Variants in KIAA0513 observed in about 807,000 individuals in gnomAD.
The protein encoded by KIAA0513 is KIAA0513.
A neutral mutation model predicts 56.5 loss-of-function variants in KIAA0513; 39 were observed. That is an observed-to-expected ratio of 0.69 (90% CI 0.53 to 0.90). The LOEUF (loss-of-function observed/expected upper bound fraction) is 0.90. Among genes scored for constraint, KIAA0513 ranks in the 40% least tolerant of loss-of-function variants. The pLI is 0.00. For missense variants in KIAA0513, 591 were observed against 535.2 expected (o/e 1.10, Z -1.03); for synonymous variants, 268 against 215.6 (o/e 1.24, Z -2.13).
chr16:85,088,003 G>A (rs1025486075), intron 12 of KIAA0513, among the ~76,000 whole-genome samples: 1 of 152,248 alleles, frequency 6.6e-6, no homozygotes, highest in Non-Finnish European at 1.5e-5. Context: ...TTCATAAGAA[G>A]GTGCGTTTCC....
chr16:85,067,016 GC>G lies in KIAA0513; in HGVS notation c.-55del. ...CGCACCTGGGACACCAGGCTGCTGG[GC>G]TCCCCTCTAGGCAGCCTCCCCTCCA... On this transcript the variant is annotated 5_prime_UTR_variant, in exon 2 of 13. Coordinates refer to ENST00000683363, the MANE Select transcript of KIAA0513 (RefSeq NM_001388359.1). 6.9e-7 allele frequency: 1 copy of G among 1,454,686 alleles called. No homozygotes were observed. Among genetic ancestry groups the G allele is most frequent in the Non-Finnish European group, 9.2e-7 (1 of 1,091,748 alleles). The allele number at this position is 1,454,686 out of a possible 1,614,324, so 90.1% of individuals were successfully genotyped here. A position where few individuals can be genotyped will look rare whatever the true frequency, so the allele number is the denominator to read the frequency against.
intron 2 of KIAA0513, among the ~76,000 whole-genome samples, chr16:85,067,690 T>A (rs1384952173): frequency 2.6e-5 from 4 of 152,216 alleles, no homozygotes; most frequent in Non-Finnish European, 4.4e-5. Flanking sequence ...CCAGGTGATT[T>A]GGAAGGGCAA....
intron 2 of KIAA0513, 52 bp from the exon 3 acceptor site, chr16:85,071,731 G>A: frequency 2.1e-6 from 3 of 1,406,242 alleles, no homozygotes; most frequent in Admixed American, 2.2e-5. Flanking sequence ...TGCTCCAGGG[G>A]ATTGAAAAGG....
At chr16:85,033,191 C>T (rs1222469050) in intron 1 of KIAA0513, among the ~76,000 whole-genome samples, 1 of 152,152 alleles carries the variant, frequency 6.6e-6, no homozygotes, top group South Asian at 2.1e-4. Context: ...TGTGCTTCAC[C>T]GTGAAGAGGT....
intron 6 of KIAA0513, among the ~76,000 whole-genome samples, chr16:85,078,191 G>C (rs1567543510): frequency 6.6e-6 from 1 of 152,164 alleles, no homozygotes; most frequent in African/African-American, 2.4e-5. Context: ...ACCCCATTCA[G>C]CTTTGGATTC....
At chr16:85,082,620 C>T in intron 10 of KIAA0513, 27 bp downstream of exon 10, 2 of 1,613,400 alleles carry the variant, frequency 1.2e-6, no homozygotes, top group Non-Finnish European at 1.7e-6. Context: ...GACTTTGTTC[C>T]ATTTTACAGT....
In KIAA0513 at chr16:85,072,933, C is replaced by A; in HGVS notation, c.438C>A (p.Asn146Lys). 1 of 1,614,194 alleles carries A rather than the reference C, an allele frequency of 6.2e-7. No homozygotes were observed. The highest frequency in any genetic ancestry group is 8.5e-7 in the Non-Finnish European group (1 of 1,180,016). The change falls in exon 4 of 13, where the codon AAC becomes AAA. Residue 146 changes from asparagine (N) to lysine (K), a missense_variant. Physicochemically the swap from Asn to Lys is moderately conservative, Grantham distance 94. Transcript: ENST00000683363. The stretch of plus-strand genomic sequence containing the variant: ...TGCCTCTTTCTGGACAGCGCTGCAA[C>A]TCCAAGTGTGTCTCAGAGGCAACCT... The part of the protein sequence containing the change: ...FARYVSAQRC[N>K]SKCVSEATFY...
At chr16:85,061,935 T>C (rs1405623844) in intron 1 of KIAA0513, among the ~76,000 whole-genome samples, 2 of 152,186 alleles carry the variant, frequency 1.3e-5, no homozygotes, top group African/African-American at 4.8e-5. Context: ...TTCCCGGTTC[T>C]TGAACTTTCT....
At chr16:85,045,759 C>G (rs935190000) in intron 1 of KIAA0513, among the ~76,000 whole-genome samples, 1 of 152,220 alleles carries the variant, frequency 6.6e-6, no homozygotes, top group Non-Finnish European at 1.5e-5. Flanking sequence ...CCAGGTTCTG[C>G]TCTGTGCGTT....
chr16:85,057,776 T>A (rs192415197), intron 1 of KIAA0513, among the ~76,000 whole-genome samples: 1 of 151,782 alleles, frequency 6.6e-6, no homozygotes, highest in Non-Finnish European at 1.5e-5. Context: ...TTTGTTTTTT[T>A]TTTTTTTCTC....
intron 1 of KIAA0513, among the ~76,000 whole-genome samples, chr16:85,038,198 C>G (rs2073059727): frequency 6.6e-6 from 1 of 152,204 alleles, no homozygotes; most frequent in Admixed American, 6.5e-5. Flanking sequence ...CAGGTCCATG[C>G]CCTTGAAGAG....
At chr16:85,086,613 G>C (rs2073811745) in intron 10 of KIAA0513, 31 bp from the exon 11 acceptor site, 1 of 1,603,704 alleles carries the variant, frequency 6.2e-7, no homozygotes, top group Non-Finnish European at 8.5e-7. Flanking sequence ...CACCATCTGA[G>C]CCCCGCTTCT....
chr16:85,071,950 T>G, intron 3 of KIAA0513, 68 bp downstream of exon 3: 4 of 1,048,856 alleles, frequency 3.8e-6, no homozygotes, highest in Admixed American at 4.0e-5. Context: ...GCATAACAAA[T>G]TTGACTTTAT....
At position 85,088,401 on chromosome 16, in the gene KIAA0513, C is replaced by T. The variant is rs1259699113; in HGVS notation, c.*76C>T. On this transcript the variant is annotated 3_prime_UTR_variant, in exon 13 of 13. Coordinates refer to ENST00000683363, the MANE Select transcript of KIAA0513 (RefSeq NM_001388359.1). ...CGGGCCCAGCGCCCGGCCGTCACCC[C>T]ACCCGATGACCTGCATGAAGCCAGC... 2 of 1,307,234 alleles carry T rather than the reference C, an allele frequency of 1.5e-6. No individual in the cohort carries two copies. Among genetic ancestry groups the T allele is most frequent in the Non-Finnish European group, 2.2e-6 (2 of 917,602 alleles). 81.0% of individuals were successfully genotyped at this position (1,307,234 alleles called of 1,614,324 possible).
At chr16:85,082,779 A>G (rs1004644152) in intron 10 of KIAA0513, among the ~76,000 whole-genome samples, 186 bp downstream of exon 10, 3 of 152,200 alleles carry the variant, frequency 2.0e-5, no homozygotes, top group African/African-American at 7.2e-5. Flanking sequence ...CAGGCTGGCA[A>G]TGCGTCCCAG....
intron 2 of KIAA0513, among the ~76,000 whole-genome samples, chr16:85,069,556 G>C (rs1007409000): frequency 6.6e-6 from 1 of 151,990 alleles, no homozygotes; most frequent in Non-Finnish European, 1.5e-5. Flanking sequence ...CCCTACCCCG[G>C]TTCACTGCCT....
chr16:85,070,054 C>T (rs566282851), intron 2 of KIAA0513, among the ~76,000 whole-genome samples: 28 of 151,736 alleles, frequency 1.8e-4, no homozygotes, highest in African/African-American at 6.0e-4. Flanking sequence ...ACCCATAGTC[C>T]CAGCTACTCA....
At chr16:85,077,925 T>C (rs2073683021) in intron 6 of KIAA0513, among the ~76,000 whole-genome samples, 1 of 152,158 alleles carries the variant, frequency 6.6e-6, no homozygotes, top group Non-Finnish European at 1.5e-5. Flanking sequence ...CTCTGTCCCC[T>C]CCATCCCCTG....
rs1423516062 is a variant in KIAA0513, at chr16:85,067,244, G to A, written c.173G>A (p.Gly58Asp). 2 of 1,614,118 alleles carry A rather than the reference G, an allele frequency of 1.2e-6. No homozygotes were observed. Among genetic ancestry groups the A allele is most frequent in the East Asian group, 4.5e-5 (2 of 44,878 alleles). ...TCTGCGGACAGTGAGAATGACATGGGCGAGTCGCCCTCGCACCCGTCCTGG... is the reference window on the plus strand; with the variant it reads ...TCTGCGGACAGTGAGAATGACATGGACGAGTCGCCCTCGCACCCGTCCTGG... Reference protein sequence around the residue: ...TESADSENDMGESPSHPSWDQ... With the variant: ...TESADSENDMDESPSHPSWDQ... Residue 58 changes from glycine (G) to aspartate (D), a missense_variant, in exon 2 of 13, where the codon GGC (glycine) becomes GAC (aspartate). Coordinates refer to ENST00000683363, the MANE Select transcript of KIAA0513 (RefSeq NM_001388359.1).
Sources: gnomAD v4.1 joint callset for allele counts (sites outside exome capture counted in the v4.1 genomes callset) on GRCh38, gnomAD v4.1.1 for gene constraint, MANE v1.5 for transcripts, NCBI Gene and HGNC (gene_info 2026-07-23, HGNC 2026-07-21) for gene names.